The following PDE4D variants were observed in gnomAD, a reference collection of about 807,000 sequenced individuals.
The protein encoded by PDE4D is phosphodiesterase 4D, also known as 3',5'-cyclic-AMP phosphodiesterase 4D.
In PDE4D, 24 loss-of-function variants were observed where a neutral mutation model predicts 87.4. That is an observed-to-expected ratio of 0.27 (90% confidence interval 0.20 to 0.39). PDE4D has a LOEUF of 0.39. PDE4D is among the 10% of genes least tolerant of loss of function. The pLI, the probability that PDE4D is intolerant of heterozygous loss-of-function variation, is 1.00. For missense variants in PDE4D, 714 were observed against 1,041.0 expected (o/e 0.69, Z 4.32); for synonymous variants, 384 against 383.2 (o/e 1.00, Z -0.02).
chr5:59,387,696 A>G (rs1787371639), intron 1 of PDE4D, among the ~76,000 whole-genome samples: 4 of 152,236 alleles, frequency 2.6e-5, no homozygotes, highest in African/African-American at 9.6e-5. Flanking sequence ...TATATTTATG[A>G]TGTAAAACAT....
intron 1 of PDE4D, among the ~76,000 whole-genome samples, chr5:59,655,068 C>A (rs1166480112): frequency 3.3e-5 from 5 of 151,584 alleles, no homozygotes; most frequent in African/African-American, 1.2e-4. Context: ...AGTAGAATTG[C>A]TGGATCATAT....
At chr5:60,189,116 C>T (rs981605313) in intron 1 of PDE4D, among the ~76,000 whole-genome samples, 4 of 152,108 alleles carry the variant, frequency 2.6e-5, no homozygotes, top group Non-Finnish European at 4.4e-5. Flanking sequence ...CGTGCAATTT[C>T]GTTACGATAG....
At chr5:59,285,713 T>G (rs759158819) in intron 1 of PDE4D, among the ~76,000 whole-genome samples, 2 of 152,184 alleles carry the variant, frequency 1.3e-5, no homozygotes, top group Admixed American at 1.3e-4. Context: ...ACAGAGTATT[T>G]GAATTCTAAT....
At chr5:60,150,056 T>TACTAGTCA (rs1781369611) in intron 2 of PDE4D, among the ~76,000 whole-genome samples, 1 of 147,798 alleles carries the variant, frequency 6.8e-6, no homozygotes, top group African/African-American at 2.5e-5. Flanking sequence ...TAATTCTATA[T>TACTAGTCA]ACTAGTATAT....
chr5:59,590,185 T>C (rs953324708), intron 1 of PDE4D, among the ~76,000 whole-genome samples: 1 of 152,210 alleles, frequency 6.6e-6, no homozygotes, highest in Non-Finnish European at 1.5e-5. Context: ...TTAAGAGTTA[T>C]GTCTACTAAT....
At chr5:59,455,325 T>TC (rs1378932270) in intron 1 of PDE4D, among the ~76,000 whole-genome samples, 1 of 152,186 alleles carries the variant, frequency 6.6e-6, no homozygotes, top group African/African-American at 2.4e-5. Context: ...CCCAGCCACT[T>TC]CAGCTGTGAC....
chr5:59,527,880 C>G (rs1350092363), intron 1 of PDE4D, among the ~76,000 whole-genome samples: 1 of 152,196 alleles, frequency 6.6e-6, no homozygotes, highest in Non-Finnish European at 1.5e-5. Context: ...TGCACCCTTA[C>G]TTTCATCTGA....
At chr5:59,723,214 A>G (rs2150567413) in intron 1 of PDE4D, among the ~76,000 whole-genome samples, 1 of 152,204 alleles carries the variant, frequency 6.6e-6, no homozygotes, top group East Asian at 1.9e-4. Flanking sequence ...ACAAGTATAC[A>G]AGGCGTTTCC....
At chr5:59,090,353 G>T (rs779565894) in intron 5 of PDE4D, among the ~76,000 whole-genome samples, 1 of 152,074 alleles carries the variant, frequency 6.6e-6, no homozygotes, top group Non-Finnish European at 1.5e-5. Context: ...AATACAACCT[G>T]AATTCTGTTC....
At chr5:60,423,650 C>G (rs1743348421) in intron 1 of PDE4D, among the ~76,000 whole-genome samples, 1 of 151,866 alleles carries the variant, frequency 6.6e-6, no homozygotes, top group Non-Finnish European at 1.5e-5. Context: ...GAAGCAAGAG[C>G]AAACAAATTC....
chr5:59,553,245 T>C (rs932628661), intron 1 of PDE4D, among the ~76,000 whole-genome samples: 3 of 152,120 alleles, frequency 2.0e-5, no homozygotes, highest in African/African-American at 7.2e-5. Flanking sequence ...CCCATAGAAC[T>C]GTTTCACCAA....
intron 7 of PDE4D, 73 bp from the exon 8 acceptor site, chr5:58,992,077 G>T (rs1330995253): frequency 2.2e-6 from 2 of 904,402 alleles, no homozygotes; most frequent in Non-Finnish European, 3.0e-6. Context: ...ATAATTGGAA[G>T]GATTATAATT....
intron 2 of PDE4D, among the ~76,000 whole-genome samples, chr5:59,997,652 A>G (rs868675623): frequency 6.6e-6 from 1 of 152,166 alleles, no homozygotes. Flanking sequence ...TTTGGCTTTG[A>G]TATTCAGATA....
At chr5:60,264,342 T>A (rs1453882480) in intron 1 of PDE4D, among the ~76,000 whole-genome samples, 1 of 152,228 alleles carries the variant, frequency 6.6e-6, no homozygotes, top group Non-Finnish European at 1.5e-5. Context: ...AAAAAATGCC[T>A]GTTGATTAAT....
intron 5 of PDE4D, among the ~76,000 whole-genome samples, chr5:59,056,833 A>G (rs1203449319): frequency 6.6e-6 from 1 of 152,124 alleles, no homozygotes; most frequent in Non-Finnish European, 1.5e-5. Context: ...CCACATTAAA[A>G]ATGACTTTTT....
intron 1 of PDE4D, among the ~76,000 whole-genome samples, chr5:59,334,206 A>G (rs1777231223): frequency 6.6e-6 from 1 of 150,668 alleles, no homozygotes; most frequent in African/African-American, 2.4e-5. Flanking sequence ...TGCTAAGGGA[A>G]GAAATTAGGG....
intron 5 of PDE4D, 103 bp from the exon 6 acceptor site, chr5:59,039,074 G>A: frequency 6.7e-7 from 1 of 1,489,740 alleles, no homozygotes; most frequent in Non-Finnish European, 9.0e-7. Context: ...ATGCTCGGAT[G>A]CCCGGTGCCG....
chr5:60,167,976 C>A (rs1329184867), intron 2 of PDE4D, among the ~76,000 whole-genome samples: 2 of 152,160 alleles, frequency 1.3e-5, no homozygotes, highest in African/African-American at 4.8e-5. Flanking sequence ...GAATGGTCTT[C>A]AACAATAAAT....
rs564054755 is a variant in PDE4D, at chr5:59,613,219, A to C, written c.455+279949T>G. Among the ~76,000 whole-genome samples, 7 of 152,260 alleles carry C rather than the reference A, an allele frequency of 4.6e-5. No individual in the cohort carries two copies. The East Asian group carries it at 1.4e-3, about 29-fold the overall frequency. ...GGCTGGATTTGCTGATTGGATTGGA[A>C]TTGGGAGTGTGAGGAAAAAAAGAGT... On this transcript the variant is annotated intron_variant, in intron 1 of 14. Coordinates refer to ENST00000340635, the MANE Select transcript of PDE4D (RefSeq NM_001104631.2).
Sources: gnomAD v4.1 joint callset for allele counts (sites outside exome capture counted in the v4.1 genomes callset) on GRCh38, gnomAD v4.1.1 for gene constraint, MANE v1.5 for transcripts, NCBI Gene and HGNC (gene_info 2026-07-23, HGNC 2026-07-21) for gene names.